The following EIF4G3 variants were observed in gnomAD, a reference collection of about 807,000 sequenced individuals.
The protein encoded by EIF4G3 is eukaryotic translation initiation factor 4 gamma 3.
A neutral mutation model predicts 186.4 loss-of-function variants in EIF4G3; 34 were observed. The ratio of observed to expected loss-of-function variants is 0.18; its 90% CI spans 0.14 to 0.24. EIF4G3 has a LOEUF of 0.24. Among genes scored for constraint, EIF4G3 ranks in the 10% least tolerant of loss-of-function variants. The pLI is 1.00. For missense variants in EIF4G3, 1,536 were observed against 1,948.5 expected, an observed-to-expected ratio of 0.79 and a Z score of 3.99; for synonymous variants, 673 against 679.5, an observed-to-expected ratio of 0.99 and a Z score of 0.15.
intron 33 of EIF4G3, 98 bp downstream of exon 33, chr1:20,825,002 G>T: frequency 1.5e-6 from 1 of 683,932 alleles, no homozygotes. Flanking sequence ...CTATTTTGAT[G>T]CAATTTTAAC....
At chr1:21,031,294 C>A (rs1222559422) in intron 4 of EIF4G3, among the ~76,000 whole-genome samples, 1 of 145,176 alleles carries the variant, frequency 6.9e-6, no homozygotes, top group Non-Finnish European at 1.5e-5. Context: ...TTGTGGATGG[C>A]AGAAAGCAAA....
chr1:21,087,869 G>A (rs992342507), intron 3 of EIF4G3, among the ~76,000 whole-genome samples: 15 of 151,846 alleles, frequency 9.9e-5, no homozygotes, highest in Non-Finnish European at 8.8e-5. Flanking sequence ...TCCTGACCTC[G>A]TGATCCACCT....
At chr1:20,987,669 T>TCC (rs1459589680) in intron 7 of EIF4G3, among the ~76,000 whole-genome samples, 1 of 152,166 alleles carries the variant, frequency 6.6e-6, no homozygotes, top group African/African-American at 2.4e-5. Context: ...TTCTAACTGC[T>TCC]CCACCTACTG....
intron 2 of EIF4G3, among the ~76,000 whole-genome samples, chr1:21,151,903 C>A (rs2097557650): frequency 6.6e-6 from 1 of 152,138 alleles, no homozygotes; most frequent in Admixed American, 6.5e-5. Flanking sequence ...TCATCCTAAT[C>A]CCTGTCTCAC....
At chr1:21,046,509 T>G (rs2093898626) in intron 4 of EIF4G3, among the ~76,000 whole-genome samples, 1 of 152,226 alleles carries the variant, frequency 6.6e-6, no homozygotes, top group African/African-American at 2.4e-5. Context: ...AGTTATGAAG[T>G]TCACTTTTCT....
chr1:21,115,990 C>T (rs1464048552), intron 2 of EIF4G3, among the ~76,000 whole-genome samples: 1 of 152,092 alleles, frequency 6.6e-6, no homozygotes, highest in Non-Finnish European at 1.5e-5. Flanking sequence ...TCCCAAAGTG[C>T]TACGATTACA....
chr1:21,066,142 T>C (rs1300570951), intron 3 of EIF4G3, among the ~76,000 whole-genome samples: 1 of 152,070 alleles, frequency 6.6e-6, no homozygotes, highest in African/African-American at 2.4e-5. Flanking sequence ...AGCGAGACTC[T>C]GTCTCAAAAG....
At position 21,052,692 on chromosome 1, in the gene EIF4G3, T is replaced by C. The variant is rs1030092199; in HGVS notation, c.-195-1698A>G. Among the ~76,000 whole-genome samples the C allele has an allele frequency of 6.6e-5, 10 of 152,178 alleles. No individual in the cohort carries two copies. In the East Asian group the frequency reaches 7.8e-4, roughly 12 times the overall value. ...CTGCAACCTCCCTGCCTGATTCTCC[T>C]GCCTCAGCCTGCCGAGTGCCTGCGA... is the stretch of plus-strand genomic sequence containing the variant. On this transcript the variant is annotated intron_variant, in intron 3 of 36. Coordinates refer to ENST00000602326, the MANE Select transcript of EIF4G3 (RefSeq NM_001391906.1).
At chr1:20,874,518 C>T (rs1032062707) in intron 20 of EIF4G3, among the ~76,000 whole-genome samples, 2 of 152,104 alleles carry the variant, frequency 1.3e-5, no homozygotes, top group African/African-American at 4.8e-5. Flanking sequence ...GTTTATCACC[C>T]AGTGGATTTT....
intron 31 of EIF4G3, among the ~76,000 whole-genome samples, chr1:20,828,810 A>G (rs920690379): frequency 1.3e-5 from 2 of 152,186 alleles, no homozygotes; most frequent in Admixed American, 1.3e-4. Context: ...ATGGGAAAAT[A>G]TAACTACTTA....
intron 18 of EIF4G3, among the ~76,000 whole-genome samples, chr1:20,889,674 T>A (rs1467107940): frequency 6.6e-6 from 1 of 152,024 alleles, no homozygotes; most frequent in Non-Finnish European, 1.5e-5. Flanking sequence ...GTATTTTTAG[T>A]GGAGACGGGG....
At chr1:21,161,014 T>C (rs1573572761) in intron 2 of EIF4G3, among the ~76,000 whole-genome samples, 1 of 151,744 alleles carries the variant, frequency 6.6e-6, no homozygotes, top group East Asian at 1.9e-4. Flanking sequence ...CTAATAAAAA[T>C]ACAAAAATTA....
intron 2 of EIF4G3, among the ~76,000 whole-genome samples, chr1:21,166,320 C>A (rs1466919588): frequency 6.6e-6 from 1 of 151,598 alleles, no homozygotes; most frequent in Non-Finnish European, 1.5e-5. Context: ...GTCCCAGTTA[C>A]ACAAGAGGCT....
At chr1:21,114,572 A>G (rs546092373) in intron 2 of EIF4G3, among the ~76,000 whole-genome samples, 3 of 152,212 alleles carry the variant, frequency 2.0e-5, no homozygotes, top group Non-Finnish European at 4.4e-5. Context: ...GAAAAAAGCC[A>G]TTTCGGCTTG....
At chr1:20,969,401 T>C in intron 12 of EIF4G3, 73 bp downstream of exon 12, 1 of 1,549,724 alleles carries the variant, frequency 6.5e-7, no homozygotes, top group Middle Eastern at 1.8e-4. Context: ...AGAAAGTGGC[T>C]ATAGAAGAAA....
At chr1:21,076,509 T>A (rs1001891394) in intron 3 of EIF4G3, among the ~76,000 whole-genome samples, 3 of 151,290 alleles carry the variant, frequency 2.0e-5, no homozygotes, top group African/African-American at 4.9e-5. Flanking sequence ...AAATAAAAAA[T>A]AAAAAAATAG....
intron 3 of EIF4G3, among the ~76,000 whole-genome samples, chr1:21,053,708 C>T (rs1209726786): frequency 2.1e-5 from 3 of 143,380 alleles, no homozygotes; most frequent in African/African-American, 7.8e-5. Context: ...CCGCCCCGTC[C>T]GGGAAGGATG....
rs1451476966 is a variant in EIF4G3, at chr1:21,053,581, CGGGA to C, written c.-195-2591_-195-2588del. Among the ~76,000 whole-genome samples the C allele has an allele frequency of 1.3e-3, 176 of 135,504 alleles. 1 individual carries two copies. The highest frequency in any genetic ancestry group is 4.6e-3 in the African/African-American group (163 of 35,520). The allele number at this position is 135,504 out of a possible 152,430, so 88.9% of individuals were successfully genotyped here. On this transcript the variant is annotated intron_variant, in intron 3 of 36. Transcript: ENST00000602326. The stretch of plus-strand genomic sequence containing the variant: ...CCCCCGCCCGGCCAGCCGCCCTGTC[CGGGA>C]GGGAGGTTGGGGGGTCAGCCCCCCG...
intron 2 of EIF4G3, among the ~76,000 whole-genome samples, chr1:21,124,013 A>AG (rs2096976268): frequency 6.6e-6 from 1 of 152,122 alleles, no homozygotes; most frequent in Admixed American, 6.6e-5. Flanking sequence ...GGTGTAGGCC[A>AG]GGCATGGTGG....
Sources: gnomAD v4.1 joint callset for allele counts (sites outside exome capture counted in the v4.1 genomes callset) on GRCh38, gnomAD v4.1.1 for gene constraint, MANE v1.5 for transcripts, NCBI Gene and HGNC (gene_info 2026-07-23, HGNC 2026-07-21) for gene names.